The following PPP1R12B variants were observed in gnomAD, a reference collection of about 807,000 sequenced individuals.
PPP1R12B encodes protein phosphatase 1 regulatory subunit 12B, also known as myosin phosphatase target subunit 2.
Under a neutral mutation model 126.1 loss-of-function variants are expected in PPP1R12B, and 76 were observed. The observed-to-expected ratio is 0.60, with a 90% CI of 0.50 to 0.73. The LOEUF (loss-of-function observed/expected upper bound fraction) is 0.73. Among genes scored for constraint, PPP1R12B ranks in the 30% least tolerant of loss-of-function variants. The pLI is 0.00. For missense variants in PPP1R12B, 1,052 were observed against 1,205.1 expected, an observed-to-expected ratio of 0.87 and a Z score of 1.88; for synonymous variants, 356 against 434.7, an observed-to-expected ratio of 0.82 and a Z score of 2.25.
At chr1:202,440,511 CT>C (rs1411125589) in intron 10 of PPP1R12B, among the ~76,000 whole-genome samples, 194 bp from the exon 11 acceptor site, 5 of 152,148 alleles carry the variant, frequency 3.3e-5, no homozygotes, top group Admixed American at 2.0e-4. Flanking sequence ...TCCCTTCATA[CT>C]GTTTTTTAAT....
At chr1:202,386,512 TA>T (rs1304618755) in intron 1 of PPP1R12B, among the ~76,000 whole-genome samples, 2 of 151,736 alleles carry the variant, frequency 1.3e-5, no homozygotes, top group East Asian at 3.9e-4. Context: ...TTTGTATTTT[TA>T]GTAGAGACGG....
chr1:202,565,488 G>A lies in PPP1R12B; in HGVS notation c.2757+941G>A, dbSNP rs1357398454. Reference sequence around the variant, plus strand: ...CCAAATACATGGAGTTTGGAGGGCAGGGGTGTTGATTACCCTCTAAACATC... The same window carrying A: ...CCAAATACATGGAGTTTGGAGGGCAAGGGTGTTGATTACCCTCTAAACATC... On this transcript the variant is annotated intron_variant, in intron 21 of 23. Transcript: ENST00000608999. The surrounding 1 kb of genome is among the most constrained non-coding windows in gnomAD (Gnocchi z 4.3). Among the ~76,000 whole-genome samples the A allele has an allele frequency of 6.6e-6, 1 of 152,160 alleles. No individual in the cohort carries two copies. The highest frequency in any genetic ancestry group is 1.5e-5 in the Non-Finnish European group (1 of 68,040).
At chr1:202,456,453 CAA>C (rs1033271991) in intron 13 of PPP1R12B, among the ~76,000 whole-genome samples, 8 of 152,028 alleles carry the variant, frequency 5.3e-5, no homozygotes, top group Non-Finnish European at 8.8e-5. Flanking sequence ...GAAGAGTACT[CAA>C]AAGCCAGAGT....
chr1:202,425,843 T>G, intron 4 of PPP1R12B, 118 bp downstream of exon 4: 1 of 939,090 alleles, frequency 1.1e-6, no homozygotes, highest in Non-Finnish European at 1.6e-6. Context: ...GTTGGTTTCC[T>G]CTCTGATTGT....
chr1:202,544,824 C>T (rs1323413600), intron 18 of PPP1R12B, among the ~76,000 whole-genome samples: 3 of 152,182 alleles, frequency 2.0e-5, no homozygotes, highest in Non-Finnish European at 2.9e-5. Context: ...ATAACCAGTC[C>T]TACAAACTAA....
At chr1:202,436,104 A>G (rs1242741022) in intron 9 of PPP1R12B, among the ~76,000 whole-genome samples, 1 of 152,112 alleles carries the variant, frequency 6.6e-6, no homozygotes, top group African/African-American at 2.4e-5. Context: ...TACAAACAAT[A>G]AAAACATTAG....
At chr1:202,461,419 G>A (rs1334589008) in intron 13 of PPP1R12B, among the ~76,000 whole-genome samples, 2 of 152,100 alleles carry the variant, frequency 1.3e-5, no homozygotes, top group African/African-American at 4.8e-5. Context: ...CTATGTGAAA[G>A]TGTTTTGCAA....
chr1:202,543,376 T>C (rs946996654), intron 18 of PPP1R12B, among the ~76,000 whole-genome samples: 1 of 152,232 alleles, frequency 6.6e-6, no homozygotes, highest in African/African-American at 2.4e-5. Context: ...TTCTCTAGTT[T>C]GTATTTTGAA....
chr1:202,531,152 T>A (rs1030598103), intron 18 of PPP1R12B, among the ~76,000 whole-genome samples: 5 of 152,230 alleles, frequency 3.3e-5, no homozygotes, highest in African/African-American at 1.2e-4. Flanking sequence ...ACCTCCTGTT[T>A]CCTTTAGAAC....
intron 9 of PPP1R12B, among the ~76,000 whole-genome samples, 161 bp from the exon 10 acceptor site, chr1:202,437,660 G>A (rs1456143365): frequency 5.9e-4 from 90 of 152,316 alleles, no homozygotes; most frequent in African/African-American, 2.0e-3. Context: ...CTTTTGCTGG[G>A]TGAGGGAGGG....
At chr1:202,352,213 G>A (rs1656151041) in intron 1 of PPP1R12B, among the ~76,000 whole-genome samples, 2 of 152,108 alleles carry the variant, frequency 1.3e-5, no homozygotes, top group African/African-American at 4.8e-5. Context: ...GTAAGGCCAG[G>A]AATATTTGTT....
At chr1:202,425,784 G>C in intron 4 of PPP1R12B, 59 bp downstream of exon 4, 1 of 1,489,486 alleles carries the variant, frequency 6.7e-7, no homozygotes, top group Non-Finnish European at 9.1e-7. Flanking sequence ...AATAGGTTTT[G>C]GAAGCAGAGG....
chr1:202,478,956 T>G (rs1677016935), intron 13 of PPP1R12B, among the ~76,000 whole-genome samples: 1 of 152,172 alleles, frequency 6.6e-6, no homozygotes, highest in Non-Finnish European at 1.5e-5. Flanking sequence ...AAAGAAGAGA[T>G]AAAGATCAAG....
At chr1:202,531,563 A>G (rs1239594989) in intron 18 of PPP1R12B, among the ~76,000 whole-genome samples, 1 of 152,180 alleles carries the variant, frequency 6.6e-6, no homozygotes, top group Admixed American at 6.5e-5. Context: ...TGAAAATAAA[A>G]ATAAAAATAT....
intron 14 of PPP1R12B, 115 bp downstream of exon 14, chr1:202,488,738 C>T: frequency 1.0e-6 from 1 of 959,586 alleles, no homozygotes; most frequent in South Asian, 1.6e-5. Context: ...CACACACACA[C>T]ACACGCTCAC....
intron 8 of PPP1R12B, among the ~76,000 whole-genome samples, chr1:202,433,130 C>T (rs139348668): frequency 6.3e-4 from 96 of 152,232 alleles, no homozygotes; most frequent in African/African-American, 2.0e-3. Context: ...CAGTATGCTC[C>T]GGAAATGGTA....
At chr1:202,441,286 C>T (rs2148693973) in intron 11 of PPP1R12B, among the ~76,000 whole-genome samples, 1 of 152,276 alleles carries the variant, frequency 6.6e-6, no homozygotes, top group South Asian at 2.1e-4. Context: ...AAACCTTAGC[C>T]AGCGGTATTG....
intron 18 of PPP1R12B, among the ~76,000 whole-genome samples, chr1:202,551,740 AGATGATGGAAC>A (rs1244307018): frequency 3.3e-5 from 5 of 152,236 alleles, no homozygotes; most frequent in Admixed American, 3.3e-4. Context: ...CCTTCTCAGC[AGATGATGGAAC>A]GGGAAGCCAG....
chr1:202,389,529 A>T (rs2148516856), intron 1 of PPP1R12B, among the ~76,000 whole-genome samples: 1 of 152,220 alleles, frequency 6.6e-6, no homozygotes, highest in Admixed American at 6.5e-5. Flanking sequence ...CTGTGGTCCC[A>T]GCTACTCGGG....
Sources: gnomAD v4.1 joint callset for allele counts (sites outside exome capture counted in the v4.1 genomes callset) on GRCh38, gnomAD v4.1.1 for gene constraint, Gnocchi (gnomAD v3.1) non-coding constraint, MANE v1.5 for transcripts, NCBI Gene and HGNC (gene_info 2026-07-23, HGNC 2026-07-21) for gene names.